EYA1: variants seen among roughly 807,000 people sequenced by gnomAD.
EYA1 encodes the protein EYA transcriptional coactivator and phosphatase 1.
EYA1 carries 16 observed loss-of-function variants against 82.0 expected under a neutral mutation model. The ratio of observed to expected loss-of-function variants is 0.20; its 90% confidence interval spans 0.13 to 0.30. The LOEUF is 0.30. Among genes scored for constraint, EYA1 ranks in the 10% least tolerant of loss-of-function variants. The pLI is 1.00. For missense variants in EYA1, 633 were observed against 730.7 expected, an observed-to-expected ratio of 0.87 and a Z score of 1.54; for synonymous variants, 261 against 264.4, an observed-to-expected ratio of 0.99 and a Z score of 0.12.
intron 2 of EYA1, among the ~76,000 whole-genome samples, chr8:71,508,083 T>C (rs1399376297): frequency 6.6e-6 from 1 of 152,214 alleles, no homozygotes; most frequent in East Asian, 1.9e-4. Flanking sequence ...CTCTACATAG[T>C]AATGCCACTC....
chr8:71,322,043 T>C (rs958335343), intron 5 of EYA1, 156 bp downstream of exon 5: 2 of 1,107,382 alleles, frequency 1.8e-6, no homozygotes, highest in Non-Finnish European at 1.4e-6. Flanking sequence ...CTCCACTACA[T>C]GATGCTCAAA....
At chr8:71,396,201 T>C (rs767145357) in intron 2 of EYA1, among the ~76,000 whole-genome samples, 31 of 151,990 alleles carry the variant, frequency 2.0e-4, no homozygotes, top group Non-Finnish European at 3.1e-4. Flanking sequence ...TATTAGTCTT[T>C]CTAGCGGTCT....
At chr8:71,403,567 A>G (rs1368099763) in intron 2 of EYA1, 1 of 152,204 alleles carries the variant, frequency 6.6e-6, no homozygotes, top group Non-Finnish European at 1.5e-5. Flanking sequence ...AAGGACTTTC[A>G]CTGCACCATT....
At chr8:71,351,123 A>C (rs1217144805) in intron 3 of EYA1, among the ~76,000 whole-genome samples, 1 of 152,078 alleles carries the variant, frequency 6.6e-6, no homozygotes, top group Non-Finnish European at 1.5e-5. Flanking sequence ...GTGGAATAGA[A>C]TTTCTATTCC....
intron 1 of EYA1, among the ~76,000 whole-genome samples, chr8:71,545,621 G>A (rs1326356543): frequency 2.0e-5 from 3 of 148,598 alleles, no homozygotes; most frequent in Middle Eastern, 3.5e-3. Context: ...GAGTGCAGTG[G>A]GGCGATCTCG....
rs1299395584 is a variant in EYA1, at chr8:71,322,194, C to A, written c.272+5G>T. The stretch of plus-strand genomic sequence containing the variant: ...ATTTATTGATTAAGAGAAAATACAT[C>A]TTACTTGGAAGGGTAAATCTGTGGT... On this transcript the variant is annotated splice_donor_5th_base_variant and intron_variant, in intron 5 of 17. Transcript: ENST00000340726. 1 of 1,611,048 alleles carries A rather than the reference C, an allele frequency of 6.2e-7. No individual in the cohort carries two copies. The highest frequency in any genetic ancestry group is 8.5e-7 in the Non-Finnish European group (1 of 1,177,328).
chr8:71,332,202 T>C (rs1823956047), intron 4 of EYA1, among the ~76,000 whole-genome samples: 1 of 152,112 alleles, frequency 6.6e-6, no homozygotes, highest in South Asian at 2.1e-4. Flanking sequence ...CCTCTGCCCA[T>C]GTCATATATA....
intron 10 of EYA1, among the ~76,000 whole-genome samples, chr8:71,271,506 T>C (rs1184265482): frequency 6.6e-6 from 1 of 151,996 alleles, no homozygotes; most frequent in Non-Finnish European, 1.5e-5. Flanking sequence ...AATTGCATAA[T>C]TTACTATATT....
At chr8:71,223,074 G>A (rs1227716434) in intron 12 of EYA1, among the ~76,000 whole-genome samples, 1 of 152,202 alleles carries the variant, frequency 6.6e-6, no homozygotes, top group African/African-American at 2.4e-5. Context: ...GCTCCCAGAA[G>A]GAGAGCCACT....
chr8:71,276,194 C>A (rs1391742046), intron 9 of EYA1, among the ~76,000 whole-genome samples: 1 of 152,170 alleles, frequency 6.6e-6, no homozygotes, highest in Non-Finnish European at 1.5e-5. Flanking sequence ...CATTCTGAAG[C>A]AAATCCTTTG....
At chr8:71,527,122 T>C (rs992657589) in intron 2 of EYA1, among the ~76,000 whole-genome samples, 4 of 151,718 alleles carry the variant, frequency 2.6e-5, no homozygotes, top group Non-Finnish European at 5.9e-5. Flanking sequence ...ACAAGATTCA[T>C]TGGCTGAGGG....
At chr8:71,274,807 G>GA (rs1816928628) in intron 9 of EYA1, among the ~76,000 whole-genome samples, 1 of 152,172 alleles carries the variant, frequency 6.6e-6, no homozygotes, top group African/African-American at 2.4e-5. Flanking sequence ...ATGCACCAGT[G>GA]AAGAGGGAAT....
intron 2 of EYA1, among the ~76,000 whole-genome samples, chr8:71,463,042 T>G (rs963006693): frequency 1.3e-5 from 2 of 152,232 alleles, no homozygotes; most frequent in African/African-American, 4.8e-5. Flanking sequence ...CCCCAAATAC[T>G]ACCATTTCAA....
chr8:71,356,723 C>T (rs892031145), intron 1 of EYA1: 2 of 1,234,762 alleles, frequency 1.6e-6, no homozygotes, highest in African/African-American at 1.5e-5. Flanking sequence ...CTCCCCTTGT[C>T]AGGGGGGGAA....
At chr8:71,537,684 A>T (rs1268199875) in intron 1 of EYA1, among the ~76,000 whole-genome samples, 1 of 152,108 alleles carries the variant, frequency 6.6e-6, no homozygotes, top group Non-Finnish European at 1.5e-5. Context: ...TTTCCCATAA[A>T]TTCCCATCCT....
chr8:71,265,537 T>G (rs1815693787), intron 11 of EYA1, among the ~76,000 whole-genome samples: 1 of 152,210 alleles, frequency 6.6e-6, no homozygotes. Flanking sequence ...AAGATAGTGT[T>G]GAAACAATCA....
At position 71,236,809 on chromosome 8, in the gene EYA1, ATTATC is replaced by A. The variant is rs535743491; in HGVS notation, c.1140+7789_1140+7793del. ...AAGTGTTTGACAAATGCTTATTGCT[ATTATC>A]TTAATTATCTGTAATTCTATTTTCT... On this transcript the variant is annotated intron_variant, in intron 12 of 17. Coordinates refer to ENST00000340726, the MANE Select transcript of EYA1 (RefSeq NM_000503.6). 3.9e-3 allele frequency among the ~76,000 whole-genome samples: 591 copies of A among 152,336 alleles called. 3 individuals carry two copies. The highest frequency in any genetic ancestry group is 0.024 in the Middle Eastern group (7 of 294).
At chr8:71,294,050 C>CA (rs1406105289) in intron 9 of EYA1, among the ~76,000 whole-genome samples, 1 of 151,304 alleles carries the variant, frequency 6.6e-6, no homozygotes, top group Non-Finnish European at 1.5e-5. Flanking sequence ...AACAAATACC[C>CA]ACCCCCAAAA....
intron 2 of EYA1, among the ~76,000 whole-genome samples, chr8:71,497,822 T>C (rs2129233088): frequency 6.6e-6 from 1 of 152,320 alleles, no homozygotes; most frequent in South Asian, 2.1e-4. Flanking sequence ...TTAAAGTTCA[T>C]CACTGGATGA....
Sources: allele counts gnomAD v4.1 joint callset (sites outside exome capture counted in the v4.1 genomes callset), GRCh38; gene constraint gnomAD v4.1.1; transcripts MANE v1.5; gene names NCBI Gene and HGNC (gene_info 2026-07-23, HGNC 2026-07-21).